The following DPP6 variants were observed in gnomAD, a reference collection of about 807,000 sequenced individuals.
DPP6 encodes dipeptidyl peptidase like 6.
Under a neutral mutation model 122.6 loss-of-function variants are expected in DPP6, and 69 were observed. The ratio of observed to expected loss-of-function variants is 0.56; its 90% CI spans 0.46 to 0.69. The LOEUF (loss-of-function observed/expected upper bound fraction) is 0.69, where lower values mean the gene tolerates loss of function less well. Among genes scored for constraint, DPP6 ranks in the 30% least tolerant of loss-of-function variants. The probability of loss-of-function intolerance (pLI) is 0.00; values close to 1 mark genes in which losing one functional copy is unlikely to be tolerated. For missense variants in DPP6, 928 were observed against 1,116.9 expected, an observed-to-expected ratio of 0.83 and a Z score of 2.41; for synonymous variants, 418 against 433.1, an observed-to-expected ratio of 0.97 and a Z score of 0.43.
chr7:153,854,886 CA>C, the DPP6 span, among the ~76,000 whole-genome samples: 1 of 136,182 alleles, frequency 7.3e-6, no homozygotes, highest in East Asian at 2.2e-4. Context: ...GGCACATATA[CA>C]CCATGGAATA....
At chr7:153,879,186 T>C in the DPP6 span, among the ~76,000 whole-genome samples, 1 of 151,890 alleles carries the variant, frequency 6.6e-6, no homozygotes, top group African/African-American at 2.4e-5. Flanking sequence ...AAAAAGTAGA[T>C]GTGAGTGGAT....
rs568008029 is a variant in DPP6 at position 154,887,910 on chromosome 7, A to T, written c.2304+176A>T. Among the ~76,000 whole-genome samples the T allele has an allele frequency of 1.6e-4, 24 of 152,254 alleles. No individual in the cohort carries two copies. The South Asian group carries it at 5.0e-3, about 32-fold the overall frequency. ...GATCATTCCACCAGAGAGTGGATTG[A>T]GGTTAACATGGCCTCTCTGGGTTCC... On this transcript the variant is annotated intron_variant, in intron 23 of 25. Coordinates refer to ENST00000377770, the MANE Select transcript of DPP6 (RefSeq NM_130797.4).
intron 7 of DPP6, among the ~76,000 whole-genome samples, chr7:154,702,119 G>A (rs1349488539): frequency 6.6e-6 from 1 of 152,234 alleles, no homozygotes; most frequent in Admixed American, 6.5e-5. Flanking sequence ...TGTTACTGAT[G>A]TAATTGTTTT....
Position 153,948,759 on chromosome 7 carries a change from C to T in DPP6, c.51+61025C>T, listed in dbSNP as rs865978056. ...TACCTTCCCTTCAAAACACCCTCCC[C>T]GAGAACAGTAACTGCGAGGAGGAAC... is the stretch of plus-strand genomic sequence containing the variant. On this transcript the variant is annotated intron_variant, in intron 1 of 25. Transcript: ENST00000404039. Among the ~76,000 whole-genome samples, 8 of 148,296 alleles carry T rather than the reference C, an allele frequency of 5.4e-5. No homozygotes were observed. In the South Asian group the frequency reaches 1.9e-3, roughly 34 times the overall value.
At chr7:153,826,842 AT>A in the DPP6 span, among the ~76,000 whole-genome samples, 1 of 132,254 alleles carries the variant, frequency 7.6e-6, no homozygotes. Context: ...TTCAGCAAAT[AT>A]ATATATATAT....
chr7:154,198,770 G>A (rs1463945619), intron 1 of DPP6, among the ~76,000 whole-genome samples: 1 of 152,188 alleles, frequency 6.6e-6, no homozygotes, highest in Non-Finnish European at 1.5e-5. Context: ...AGGATTCAGA[G>A]CCTCTCTCCT....
At chr7:154,500,667 C>T (rs1044065996) in intron 3 of DPP6, among the ~76,000 whole-genome samples, 2 of 152,230 alleles carry the variant, frequency 1.3e-5, no homozygotes, top group Non-Finnish European at 1.5e-5. Flanking sequence ...GAGGCCTCCC[C>T]AGCCACGTGG....
At chr7:154,580,030 C>G (rs537698024) in intron 5 of DPP6, among the ~76,000 whole-genome samples, 1 of 152,088 alleles carries the variant, frequency 6.6e-6, no homozygotes, top group South Asian at 2.1e-4. Flanking sequence ...TTAGCAGCAC[C>G]CTTGGTTTCT....
chr7:153,799,167 A>C, the DPP6 span, among the ~76,000 whole-genome samples: 1 of 152,194 alleles, frequency 6.6e-6, no homozygotes, highest in Non-Finnish European at 1.5e-5. Context: ...CAACGGTATG[A>C]ATGAAGATGT....
intron 16 of DPP6, among the ~76,000 whole-genome samples, chr7:154,848,041 A>G (rs1205512643): frequency 1.3e-5 from 2 of 152,342 alleles, no homozygotes; most frequent in East Asian, 3.9e-4. Context: ...CACTGTGTAT[A>G]TGTACCTATG....
intron 1 of DPP6, among the ~76,000 whole-genome samples, chr7:154,154,229 G>A (rs1796571449): frequency 6.6e-6 from 1 of 152,228 alleles, no homozygotes; most frequent in Non-Finnish European, 1.5e-5. Flanking sequence ...ATACTTCGCT[G>A]GGATATTTTC....
chr7:154,336,851 C>T (rs1011854192), intron 1 of DPP6, among the ~76,000 whole-genome samples: 3 of 152,128 alleles, frequency 2.0e-5, no homozygotes, highest in South Asian at 4.2e-4. Context: ...CAGGATCCCC[C>T]GTGGAGCCTA....
chr7:154,259,913 C>T (rs1563380350), intron 1 of DPP6, among the ~76,000 whole-genome samples: 3 of 152,266 alleles, frequency 2.0e-5, no homozygotes, highest in South Asian at 4.2e-4. Flanking sequence ...GTTAAGGAGA[C>T]GGGCACCCAG....
At chr7:153,841,264 G>A in the DPP6 span, among the ~76,000 whole-genome samples, 2 of 152,150 alleles carry the variant, frequency 1.3e-5, no homozygotes, top group African/African-American at 2.4e-5. Flanking sequence ...ATGCATTGTC[G>A]TTTTGAAAGT....
intron 1 of DPP6, among the ~76,000 whole-genome samples, chr7:154,197,765 T>C (rs1798943153): frequency 6.6e-6 from 1 of 152,206 alleles, no homozygotes; most frequent in Non-Finnish European, 1.5e-5. Flanking sequence ...ATATAGATTA[T>C]GTCACTAAGT....
At chr7:153,876,014 A>G in the DPP6 span, among the ~76,000 whole-genome samples, 1 of 151,998 alleles carries the variant, frequency 6.6e-6, no homozygotes, top group Admixed American at 6.6e-5. Context: ...AATTTTGCAA[A>G]TGACACTGAA....
At position 154,877,607 on chromosome 7, in the gene DPP6, G is replaced by C. The variant is rs1457424389; in HGVS notation, c.2078+1507G>C. On this transcript the variant is annotated intron_variant, in intron 20 of 25. Coordinates refer to ENST00000377770, the MANE Select transcript of DPP6 (RefSeq NM_130797.4). This position sits in a 1 kb window ranked among gnomAD's most constrained non-coding sequence, Gnocchi z 5.2. ...GCCCTCAGTCACGGGGTGGCCCTCA[G>C]TAGCACCTGGCTCCATGCTTCGTCA... 6.6e-6 allele frequency among the ~76,000 whole-genome samples: 1 copy of C among 152,152 alleles called. No individual in the cohort carries two copies. Among genetic ancestry groups the C allele is most frequent in the Non-Finnish European group, 1.5e-5 (1 of 68,032 alleles).
chr7:153,782,883 C>T, the DPP6 span, among the ~76,000 whole-genome samples: 1 of 152,168 alleles, frequency 6.6e-6, no homozygotes, highest in African/African-American at 2.4e-5. Context: ...GGAAAACCAA[C>T]TGGACAAGAG....
intron 1 of DPP6, among the ~76,000 whole-genome samples, chr7:153,888,233 T>G (rs2128992036): frequency 6.6e-6 from 1 of 152,240 alleles, no homozygotes; most frequent in Admixed American, 6.5e-5. Flanking sequence ...GTCGCTCCGC[T>G]CCGTTCCAGA....
Sources: allele counts gnomAD v4.1 joint callset (sites outside exome capture counted in the v4.1 genomes callset), GRCh38; gene constraint gnomAD v4.1.1; non-coding constraint Gnocchi (gnomAD v3.1); transcripts MANE v1.5; gene names NCBI Gene and HGNC (gene_info 2026-07-23, HGNC 2026-07-21).